The following CNTNAP2 variants were observed in gnomAD, a reference collection of about 807,000 sequenced individuals.
CNTNAP2 encodes contactin associated protein 2.
CNTNAP2 carries 98 observed loss-of-function variants against 155.2 expected under a neutral mutation model. The ratio of observed to expected loss-of-function variants is 0.63; its 90% CI spans 0.54 to 0.75. CNTNAP2 has a LOEUF of 0.75. CNTNAP2 is among the 30% of genes least tolerant of loss of function. The pLI is 0.00. For synonymous variants in CNTNAP2, 651 were observed against 631.2 expected (o/e 1.03, Z -0.47); for missense variants, 1,727 against 1,688.1 (o/e 1.02, Z -0.40).
At chr7:147,278,184 C>G (rs1239285500) in intron 8 of CNTNAP2, among the ~76,000 whole-genome samples, 5 of 150,796 alleles carry the variant, frequency 3.3e-5, no homozygotes, top group African/African-American at 7.3e-5. Flanking sequence ...TTGACAATCT[C>G]TTCATTTCAG....
chr7:147,125,033 A>C (rs1801205392), intron 6 of CNTNAP2, among the ~76,000 whole-genome samples: 1 of 151,992 alleles, frequency 6.6e-6, no homozygotes. Context: ...GGCACCTGCC[A>C]CTATGCCCGG....
rs989615602 is a variant in CNTNAP2 at position 147,848,551 on chromosome 7, C to T, written c.2099-55014C>T. Among the ~76,000 whole-genome samples, 77 of 151,354 alleles carry T rather than the reference C, an allele frequency of 5.1e-4. 1 individual carries two copies. The highest frequency in any genetic ancestry group is 3.4e-3 in the Admixed American group (52 of 15,162). On this transcript the variant is annotated intron_variant, in intron 13 of 23. Transcript: ENST00000361727. ...CTCAGATGGAAATGCAGAAATCACC[C>T]GTCTTCTGCGTCACTCACGCTGGGA...
chr7:147,191,776 C>A (rs190229449), intron 8 of CNTNAP2, among the ~76,000 whole-genome samples: 1 of 151,938 alleles, frequency 6.6e-6, no homozygotes, highest in Non-Finnish European at 1.5e-5. Context: ...AAACCCTTCA[C>A]GAATTAAAAA....
At chr7:147,482,241 G>A (rs1427922682) in intron 10 of CNTNAP2, among the ~76,000 whole-genome samples, 2 of 152,098 alleles carry the variant, frequency 1.3e-5, no homozygotes, top group Non-Finnish European at 2.9e-5. Context: ...AGAAATAATA[G>A]GAAAGGGGTA....
chr7:146,989,075 C>T (rs1404509348), intron 3 of CNTNAP2, among the ~76,000 whole-genome samples: 1 of 152,112 alleles, frequency 6.6e-6, no homozygotes, highest in African/African-American at 2.4e-5. Context: ...TCTTTTCCCC[C>T]TAATCTTGGC....
chr7:146,217,571 G>C (rs1799133673), intron 1 of CNTNAP2, among the ~76,000 whole-genome samples: 1 of 152,094 alleles, frequency 6.6e-6, no homozygotes, highest in African/African-American at 2.4e-5. Context: ...TTTAAGGTAA[G>C]AGTCAGGAAT....
intron 12 of CNTNAP2, among the ~76,000 whole-genome samples, chr7:147,633,426 C>A (rs904057083): frequency 6.6e-6 from 1 of 152,176 alleles, no homozygotes; most frequent in Non-Finnish European, 1.5e-5. Context: ...TTGGAGCCCC[C>A]ACACAAGACT....
intron 21 of CNTNAP2, among the ~76,000 whole-genome samples, chr7:148,340,701 C>A (rs1798214331): frequency 6.6e-6 from 1 of 152,186 alleles, no homozygotes; most frequent in South Asian, 2.1e-4. Flanking sequence ...GCATCATTAA[C>A]AATTGAAAGG....
intron 15 of CNTNAP2, among the ~76,000 whole-genome samples, chr7:148,057,572 T>C (rs1752677972): frequency 6.6e-6 from 1 of 152,194 alleles, no homozygotes; most frequent in African/African-American, 2.4e-5. Context: ...TGTAACATGA[T>C]AGCAGATTAT....
At chr7:146,663,497 T>G (rs1216420828) in intron 1 of CNTNAP2, among the ~76,000 whole-genome samples, 3 of 152,070 alleles carry the variant, frequency 2.0e-5, no homozygotes, top group Non-Finnish European at 4.4e-5. Flanking sequence ...CTAACAATAT[T>G]GAGTCTTCCC....
At chr7:147,695,671 G>A (rs1490412759) in intron 13 of CNTNAP2, among the ~76,000 whole-genome samples, 1 of 151,998 alleles carries the variant, frequency 6.6e-6, no homozygotes, top group Admixed American at 6.6e-5. Flanking sequence ...GCTTGGTGGT[G>A]CATGCCTGTA....
At chr7:146,728,112 C>T (rs1432317683) in intron 1 of CNTNAP2, among the ~76,000 whole-genome samples, 2 of 152,180 alleles carry the variant, frequency 1.3e-5, no homozygotes, top group African/African-American at 2.4e-5. Flanking sequence ...CCTGCAGAGA[C>T]GGAGGACATC....
rs1261047906 is a variant in CNTNAP2 at position 147,505,987 on chromosome 7, C to T, written c.1777+19946C>T. 2.6e-5 allele frequency among the ~76,000 whole-genome samples: 4 copies of T among 152,188 alleles called. No individual in the cohort carries two copies. The East Asian group carries it at 7.7e-4, about 29-fold the overall frequency. On this transcript the variant is annotated intron_variant, in intron 11 of 23. Transcript: ENST00000361727. ...CTCTTAAGAACCGGCTCAAGCATCACTTATCATTACAGCAGACTGGGGTGA... is the reference window on the plus strand; with the variant it reads ...CTCTTAAGAACCGGCTCAAGCATCATTTATCATTACAGCAGACTGGGGTGA...
At chr7:147,250,519 C>CCCTTATCCA (rs1231027203) in intron 8 of CNTNAP2, among the ~76,000 whole-genome samples, 2 of 151,932 alleles carry the variant, frequency 1.3e-5, no homozygotes, top group African/African-American at 4.8e-5. Flanking sequence ...TAATCATTGC[C>CCCTTATCCA]CCTTATCCAC....
chr7:147,104,207 A>T (rs892872016), intron 4 of CNTNAP2, among the ~76,000 whole-genome samples: 3 of 152,070 alleles, frequency 2.0e-5, no homozygotes, highest in African/African-American at 7.2e-5. Flanking sequence ...TCTAAATCTA[A>T]AATTTTTCCA....
At chr7:147,749,338 C>T (rs1356053886) in intron 13 of CNTNAP2, among the ~76,000 whole-genome samples, 2 of 152,074 alleles carry the variant, frequency 1.3e-5, no homozygotes, top group African/African-American at 2.4e-5. Flanking sequence ...ATGGATGTGT[C>T]GTAGTCCATA....
At chr7:147,826,793 A>C (rs549297905) in intron 13 of CNTNAP2, among the ~76,000 whole-genome samples, 2 of 152,364 alleles carry the variant, frequency 1.3e-5, no homozygotes, top group African/African-American at 4.8e-5. Context: ...GTCACAGGAC[A>C]AAAGTGGACA....
intron 15 of CNTNAP2, among the ~76,000 whole-genome samples, chr7:147,991,418 T>C (rs569548490): frequency 6.6e-6 from 1 of 152,334 alleles, no homozygotes; most frequent in South Asian, 2.1e-4. Flanking sequence ...CAGACAATAA[T>C]TGTTATAAAG....
At chr7:147,567,809 G>GGT (rs1800202543) in intron 12 of CNTNAP2, among the ~76,000 whole-genome samples, 1 of 152,188 alleles carries the variant, frequency 6.6e-6, no homozygotes, top group Non-Finnish European at 1.5e-5. Flanking sequence ...TCTTTGGCCG[G>GGT]GCACGGCGGC....
Sources: gnomAD v4.1 joint callset for allele counts (sites outside exome capture counted in the v4.1 genomes callset) on GRCh38, gnomAD v4.1.1 for gene constraint, MANE v1.5 for transcripts, NCBI Gene and HGNC (gene_info 2026-07-23, HGNC 2026-07-21) for gene names.